Variants in RP1 observed in about 807,000 individuals in gnomAD.
RP1 encodes the protein oxygen-regulated protein 1.
Under a neutral mutation model 14.8 loss-of-function variants are expected in RP1, and 16 were observed. That is an observed-to-expected ratio of 1.08 (90% CI 0.73 to 1.65). RP1 has a LOEUF of 1.65. Ranked by LOEUF, RP1 falls within the 40% of genes most tolerant of loss-of-function variation. RP1 has a pLI of 0.00. For missense variants in RP1, 2,631 were observed against 2,535.0 expected (o/e 1.04, Z -0.81); for synonymous variants, 876 against 883.6 (o/e 0.99, Z 0.15).
chr8:54,858,894 A>G (rs187169351), intron 27 of RP1, among the ~76,000 whole-genome samples: 17 of 152,056 alleles, frequency 1.1e-4, no homozygotes, highest in Admixed American at 3.3e-4. Flanking sequence ...GTTACTGTAG[A>G]GGAGTGTCAC....
At chr8:54,868,589 T>G (rs1812511985) in intron 28 of RP1, among the ~76,000 whole-genome samples, 1 of 152,180 alleles carries the variant, frequency 6.6e-6, no homozygotes, top group African/African-American at 2.4e-5. Flanking sequence ...TCCTTGGCCC[T>G]CTGGAAAGTT....
At chr8:54,692,119 A>C (rs1279056429) in intron 12 of RP1, among the ~76,000 whole-genome samples, 1 of 151,596 alleles carries the variant, frequency 6.6e-6, no homozygotes, top group Non-Finnish European at 1.5e-5. Context: ...TTCCAATTTC[A>C]TCCATGTCCC....
At chr8:54,750,136 C>G (rs180910944) in intron 19 of RP1, among the ~76,000 whole-genome samples, 185 of 152,174 alleles carry the variant, frequency 1.2e-3, no homozygotes, top group African/African-American at 4.1e-3. Flanking sequence ...CTTGGGCATT[C>G]TCTAGGAGGA....
At chr8:54,691,318 G>A (rs1807703796) in intron 12 of RP1, among the ~76,000 whole-genome samples, 2 of 152,026 alleles carry the variant, frequency 1.3e-5, no homozygotes, top group African/African-American at 4.8e-5. Context: ...GAAAAGGAAT[G>A]TTAAGGGAAA....
intron 14 of RP1, among the ~76,000 whole-genome samples, chr8:54,702,678 C>G (rs1358413801): frequency 2.0e-5 from 3 of 152,112 alleles, no homozygotes; most frequent in South Asian, 2.1e-4. Context: ...GTGATTGACT[C>G]ATTCTTTCAT....
intron 7 of RP1, among the ~76,000 whole-genome samples, chr8:54,666,681 C>G (rs1307395984): frequency 4.6e-5 from 7 of 152,120 alleles, no homozygotes; most frequent in Admixed American, 1.3e-4. Context: ...GCCCTGACCC[C>G]GGGACAGCAG....
At chr8:54,601,283 G>C (rs1002874113) in intron 1 of RP1, among the ~76,000 whole-genome samples, 1 of 149,066 alleles carries the variant, frequency 6.7e-6, no homozygotes, top group African/African-American at 2.6e-5. Context: ...TCAACATGTG[G>C]ATATGTAATT....
At chr8:54,572,820 G>T (rs1450958922) in intron 1 of RP1, among the ~76,000 whole-genome samples, 1 of 152,134 alleles carries the variant, frequency 6.6e-6, no homozygotes, top group Non-Finnish European at 1.5e-5. Flanking sequence ...GTCCCACCCT[G>T]CTGGGCTGGT....
At chr8:54,723,409 A>G (rs1808580259) in intron 16 of RP1, among the ~76,000 whole-genome samples, 1 of 152,072 alleles carries the variant, frequency 6.6e-6, no homozygotes, top group Non-Finnish European at 1.5e-5. Context: ...TTTTTCATCT[A>G]CAGTTTGGTA....
intron 19 of RP1, among the ~76,000 whole-genome samples, chr8:54,751,625 C>T (rs1291825862): frequency 2.0e-4 from 30 of 152,148 alleles, no homozygotes; most frequent in Admixed American, 2.0e-3. Flanking sequence ...AGACATAAAC[C>T]AAGGTCTTTT....
Position 54,679,806 on chromosome 8 carries a change from G to A in RP1, c.1590G>A (p.Trp530Ter). Residue 530 changes from tryptophan (W) to a stop codon, truncating the protein, a stop_gained and splice_region_variant, in exon 12 of 23, where the codon TGG becomes TGA. Transcript: ENST00000636932. LOFTEE classifies it high-confidence loss of function. ...TTTTGCTTTGTTTTTCTTTTTAGTG[G>A]ACTGCAGAAAGCTGGAAGTTTACAA... 6.5e-7 allele frequency: 1 copy of A among 1,535,366 alleles called. No homozygotes were observed. The highest frequency in any genetic ancestry group is 8.7e-7 in the Non-Finnish European group (1 of 1,146,686).
chr8:54,633,175 T>C (rs1456193088), downstream of RP1, among the ~76,000 whole-genome samples: 1 of 151,968 alleles, frequency 6.6e-6, no homozygotes, highest in African/African-American at 2.4e-5. Flanking sequence ...GAAGCAGCAG[T>C]GTTCAGAATT....
chr8:54,662,983 C>G (rs1005118321), intron 6 of RP1, among the ~76,000 whole-genome samples: 2 of 152,142 alleles, frequency 1.3e-5, no homozygotes, highest in South Asian at 4.1e-4. Flanking sequence ...TCTCCTTGAT[C>G]TCAGTTCTTC....
chr8:54,776,148 A>C (rs962599322), intron 23 of RP1, among the ~76,000 whole-genome samples: 1 of 152,194 alleles, frequency 6.6e-6, no homozygotes, highest in Non-Finnish European at 1.5e-5. Flanking sequence ...TGTATATGGG[A>C]GGATGTGCAT....
At chr8:54,828,095 A>G (rs1486400269) in intron 24 of RP1, among the ~76,000 whole-genome samples, 1 of 152,140 alleles carries the variant, frequency 6.6e-6, no homozygotes, top group Non-Finnish European at 1.5e-5. Context: ...TATGATAACG[A>G]TGCTTTCTTC....
At chr8:54,791,146 G>C (rs1368794115) in intron 24 of RP1, among the ~76,000 whole-genome samples, 2 of 152,142 alleles carry the variant, frequency 1.3e-5, no homozygotes, top group Admixed American at 1.3e-4. Flanking sequence ...CCACAAGACT[G>C]TCAGTGGATT....
In RP1 at chr8:54,626,699, A is replaced by C. The variant is rs776304733; in HGVS notation, c.2817A>C (p.Arg939Ser). 1 of 1,613,904 alleles carries C rather than the reference A, an allele frequency of 6.2e-7. No individual in the cohort carries two copies. Among genetic ancestry groups the C allele is most frequent in the African/African-American group, 1.3e-5 (1 of 74,938 alleles). ...CTATAAAATCAGCTCCAGTATGTAG[A>C]AATGAAACGAGTGTGGTAAATTGTA... The part of the protein sequence containing the change: ...LKPIKSAPVC[R>S]NETSVVNCSN... The change falls in exon 4 of 4, where the codon AGA becomes AGC. Residue 939 changes from arginine (R) to serine (S), a missense_variant. By Grantham distance (110) the Arg-to-Ser change is moderately radical (BLOSUM62 -1). Coordinates refer to ENST00000220676, the MANE Select transcript of RP1 (RefSeq NM_006269.2).
rs779105207 is a variant in RP1, at chr8:54,720,262, A to G, written c.2345A>G (p.Tyr782Cys). ...GATGGGCAGGCAAAACCAATGATTT[A>G]TACCAAGGATGAGAATGTTTGCTTC... The change falls in exon 16 of 23, where the codon TAT becomes TGT. Residue 782 changes from tyrosine to cysteine, a missense_variant. By Grantham distance (194) the Tyr-to-Cys change is radical (BLOSUM62 -2). Transcript: ENST00000636932. The G allele has an allele frequency of 4.6e-6, 7 of 1,535,868 alleles. No individual in the cohort carries two copies. The Admixed American group carries it at 9.8e-5, about 22-fold the overall frequency.
At chr8:54,844,507 T>C (rs1811866332) in intron 25 of RP1, among the ~76,000 whole-genome samples, 1 of 151,964 alleles carries the variant, frequency 6.6e-6, no homozygotes, top group African/African-American at 2.4e-5. Context: ...TGCTTGTCTC[T>C]GTGTGTGCGT....
Sources: gnomAD v4.1 joint callset for allele counts (sites outside exome capture counted in the v4.1 genomes callset) on GRCh38, gnomAD v4.1.1 for gene constraint, MANE v1.5 for transcripts, NCBI Gene and HGNC (gene_info 2026-07-23, HGNC 2026-07-21) for gene names.